Variants in ST6GALNAC3 observed in about 807,000 individuals in gnomAD.
The protein encoded by ST6GALNAC3 is ST6 N-acetylgalactosaminide alpha-2,6-sialyltransferase 3.
Under a neutral mutation model 32.7 loss-of-function variants are expected in ST6GALNAC3, and 25 were observed. That is an observed-to-expected ratio of 0.76 (90% CI 0.56 to 1.07). The LOEUF (loss-of-function observed/expected upper bound fraction) is 1.07. ST6GALNAC3 is among the 50% of genes least tolerant of loss of function. The pLI is 0.00. For synonymous variants in ST6GALNAC3, 129 were observed against 133.1 expected, an observed-to-expected ratio of 0.97 and a Z score of 0.21; for missense variants, 355 against 382.4, an observed-to-expected ratio of 0.93 and a Z score of 0.60.
At position 76,630,348 on chromosome 1, in the gene ST6GALNAC3, T is replaced by G. The variant is rs533216191; in HGVS notation, c.*1542T>G. 17 of 985,076 alleles carry G rather than the reference T, an allele frequency of 1.7e-5. No homozygotes were observed. In the South Asian group the frequency reaches 7.5e-4, roughly 44 times the overall value. The allele number at this position is 985,076 out of a possible 1,614,324, so 61.0% of individuals were successfully genotyped here. On this transcript the variant is annotated 3_prime_UTR_variant, in exon 5 of 5. Transcript: ENST00000328299. Reference sequence around the variant, plus strand: ...CGTATATATACACGTGTGGTTCTATTTAGGTGGGGAAAAAATGAAAAAGCA... The same window carrying G: ...CGTATATATACACGTGTGGTTCTATGTAGGTGGGGAAAAAATGAAAAAGCA...
At chr1:76,543,781 C>A (rs898899973) in intron 3 of ST6GALNAC3, among the ~76,000 whole-genome samples, 7 of 152,164 alleles carry the variant, frequency 4.6e-5, no homozygotes, top group Non-Finnish European at 1.0e-4. Flanking sequence ...GCCGATGTAT[C>A]TTTTTCAACC....
intron 2 of ST6GALNAC3, among the ~76,000 whole-genome samples, chr1:76,340,760 A>G (rs1647897629): frequency 6.6e-6 from 1 of 151,880 alleles, no homozygotes. Flanking sequence ...GGTGGGGATT[A>G]GAGAAGGCTT....
chr1:76,333,624 T>A (rs942328396), intron 2 of ST6GALNAC3, among the ~76,000 whole-genome samples: 2 of 152,226 alleles, frequency 1.3e-5, no homozygotes, highest in African/African-American at 2.4e-5. Context: ...GAAAAAATTA[T>A]CTTTTGCCTC....
chr1:76,614,905 G>A (rs1392476932), intron 3 of ST6GALNAC3, among the ~76,000 whole-genome samples: 2 of 151,998 alleles, frequency 1.3e-5, no homozygotes, highest in Non-Finnish European at 2.9e-5. Context: ...CTGGGGGGTA[G>A]GGGCTAGGGT....
At position 76,509,498 on chromosome 1, in the gene ST6GALNAC3, A is replaced by G. The variant is rs1210273510; in HGVS notation, c.623+97081A>G. 2.0e-5 allele frequency among the ~76,000 whole-genome samples: 3 copies of G among 152,176 alleles called. No individual in the cohort carries two copies. The highest frequency in any genetic ancestry group is 4.4e-5 in the Non-Finnish European group (3 of 68,032). On this transcript the variant is annotated intron_variant, in intron 3 of 4. Transcript: ENST00000328299. This position sits in a 1 kb window ranked among gnomAD's most constrained non-coding sequence, Gnocchi z 5.5. ...GCAGTTCTTGAGGTATTGAATCTAC[A>G]TGAAAGGGATGGAATAAACTGGAAA...
chr1:76,074,858 C>A lies in ST6GALNAC3; in HGVS notation c.-9C>A, dbSNP rs1646789759. 4 of 1,590,324 alleles carry A rather than the reference C, an allele frequency of 2.5e-6. No homozygotes were observed. Among genetic ancestry groups the A allele is most frequent in the Non-Finnish European group, 2.6e-6 (3 of 1,168,936 alleles). On this transcript the variant is annotated 5_prime_UTR_variant, in exon 1 of 5. Transcript: ENST00000328299. ...CGCTGCTCGGTGGCAGGAGGGCCGG[C>A]GGAGCGCCATGGCCTGCATCCTGAA... is the stretch of plus-strand genomic sequence containing the variant.
chr1:76,231,631 G>A (rs2100639045), intron 1 of ST6GALNAC3, among the ~76,000 whole-genome samples: 1 of 152,296 alleles, frequency 6.6e-6, no homozygotes, highest in Non-Finnish European at 1.5e-5. Flanking sequence ...TAAGGATAAT[G>A]TCCCTCAAGT....
At chr1:76,394,187 A>G (rs557678257) in intron 2 of ST6GALNAC3, among the ~76,000 whole-genome samples, 30 of 152,354 alleles carry the variant, frequency 2.0e-4, no homozygotes, top group Admixed American at 1.8e-3. Context: ...ATGCAGAAGC[A>G]TATAGCTAGA....
At chr1:76,102,235 TTGTGTG>T (rs60454163) in intron 1 of ST6GALNAC3, among the ~76,000 whole-genome samples, 12,325 of 147,464 alleles carry the variant, frequency 0.084, 671 homozygotes, top group Middle Eastern at 0.2. Context: ...CCTGGTGTGT[TTGTGTG>T]TGTGTGTGTG....
intron 3 of ST6GALNAC3, among the ~76,000 whole-genome samples, chr1:76,480,152 A>T (rs1470397874): frequency 2.0e-5 from 3 of 152,148 alleles, no homozygotes; most frequent in African/African-American, 7.2e-5. Context: ...TGAGAAAAGA[A>T]CTTAAAGGAT....
chr1:76,079,594 G>A lies in ST6GALNAC3; in HGVS notation c.18+4710G>A, dbSNP rs540403798. 2.0e-5 allele frequency among the ~76,000 whole-genome samples: 3 copies of A among 152,280 alleles called. No homozygotes were observed. In the East Asian group the frequency reaches 5.8e-4, roughly 29 times the overall value. ...TGAACATGAAGCAGTTAGCTGATAC[G>A]ATAGATGCATGACTAAGCCACAATT... On this transcript the variant is annotated intron_variant, in intron 1 of 4. Transcript: ENST00000328299.
intron 3 of ST6GALNAC3, among the ~76,000 whole-genome samples, chr1:76,416,199 A>G (rs1654614188): frequency 6.6e-6 from 1 of 152,158 alleles, no homozygotes. Flanking sequence ...CTCACAAAGT[A>G]TATGTTGGTA....
chr1:76,575,550 A>G (rs1646788458), intron 3 of ST6GALNAC3, among the ~76,000 whole-genome samples: 1 of 152,124 alleles, frequency 6.6e-6, no homozygotes, highest in African/African-American at 2.4e-5. Context: ...TGGTAACTAA[A>G]TATGAGAGTA....
chr1:76,625,659 G>C (rs1469962860), intron 3 of ST6GALNAC3, among the ~76,000 whole-genome samples: 1 of 151,760 alleles, frequency 6.6e-6, no homozygotes, highest in African/African-American at 2.4e-5. Flanking sequence ...TCCCATCATT[G>C]CTGCTCCTCC....
At chr1:76,295,083 C>A (rs1660315277) in intron 1 of ST6GALNAC3, among the ~76,000 whole-genome samples, 1 of 139,500 alleles carries the variant, frequency 7.2e-6, no homozygotes, top group South Asian at 2.2e-4. Context: ...TTTTGCAAAC[C>A]AGTGGGCATT....
intron 1 of ST6GALNAC3, among the ~76,000 whole-genome samples, chr1:76,078,710 T>C (rs1157905668): frequency 6.6e-6 from 1 of 152,216 alleles, no homozygotes; most frequent in Non-Finnish European, 1.5e-5. Context: ...CTTGCCATGC[T>C]CCTGGTTAGG....
At position 76,577,039 on chromosome 1, in the gene ST6GALNAC3, C is replaced by A. The variant is rs2100530783; in HGVS notation, c.624-50413C>A. ...TAAGATTGTGGCTTTGTGTAAAGTTCTTTCCCTTTGTAGACTTGCTGCATA... is the reference window on the plus strand; with the variant it reads ...TAAGATTGTGGCTTTGTGTAAAGTTATTTCCCTTTGTAGACTTGCTGCATA... On this transcript the variant is annotated intron_variant, in intron 3 of 4. Coordinates refer to ENST00000328299, the MANE Select transcript of ST6GALNAC3 (RefSeq NM_152996.4). The A allele has an allele frequency of 1.0e-5, 12 of 1,164,602 alleles. 1 individual carries two copies. The South Asian group carries it at 2.2e-4, about 21-fold the overall frequency. The allele number at this position is 1,164,602 out of a possible 1,614,324, so 72.1% of individuals were successfully genotyped here.
chr1:76,433,234 G>A (rs1655898411), intron 3 of ST6GALNAC3, among the ~76,000 whole-genome samples: 1 of 151,968 alleles, frequency 6.6e-6, no homozygotes, highest in Non-Finnish European at 1.5e-5. Context: ...TTGTCATTCT[G>A]GTTAGATTTT....
chr1:76,308,157 G>T (rs1167062043), intron 1 of ST6GALNAC3, among the ~76,000 whole-genome samples: 4 of 152,140 alleles, frequency 2.6e-5, no homozygotes, highest in Non-Finnish European at 4.4e-5. Context: ...TCAAGGGTTT[G>T]CAGCTGCTTG....
Sources: gnomAD v4.1 joint callset for allele counts (sites outside exome capture counted in the v4.1 genomes callset) on GRCh38, gnomAD v4.1.1 for gene constraint, Gnocchi (gnomAD v3.1) non-coding constraint, MANE v1.5 for transcripts, NCBI Gene and HGNC (gene_info 2026-07-23, HGNC 2026-07-21) for gene names.